Variants in SOS2 observed in about 807,000 individuals in gnomAD.
SOS2 encodes the protein SOS Ras/Rho guanine nucleotide exchange factor 2.
In SOS2, 65 loss-of-function variants were observed where a neutral mutation model predicts 148.2. That is an observed-to-expected ratio of 0.44 (90% CI 0.36 to 0.54). SOS2 has a LOEUF of 0.54. Ranked by LOEUF, SOS2 falls within the 20% of genes least tolerant of loss-of-function variation. SOS2 has a pLI of 0.00. For synonymous variants in SOS2, 539 were observed against 537.1 expected (o/e 1.00, Z -0.05); for missense variants, 1,341 against 1,590.2 (o/e 0.84, Z 2.67).
intron 4 of SOS2, among the ~76,000 whole-genome samples, chr14:50,192,607 T>C (rs1886180450): frequency 6.6e-6 from 1 of 150,402 alleles, no homozygotes. Context: ...CTCATGCCTG[T>C]AATCCTAGCA....
chr14:50,224,322 C>T (rs1187811616), intron 1 of SOS2, among the ~76,000 whole-genome samples: 2,272 of 42,150 alleles, frequency 0.054, 94 homozygotes, highest in East Asian at 0.11. Context: ...TATACACACA[C>T]ACACACACAC....
chr14:50,189,321 C>A (rs1886038480), intron 4 of SOS2, among the ~76,000 whole-genome samples: 1 of 12,842 alleles, frequency 7.8e-5, no homozygotes, highest in Non-Finnish European at 1.9e-4. Flanking sequence ...CACACACACA[C>A]ACATAATAGC....
chr14:50,199,119 C>T (rs1886403276), intron 4 of SOS2, among the ~76,000 whole-genome samples: 2 of 152,190 alleles, frequency 1.3e-5, no homozygotes, highest in South Asian at 4.1e-4. Context: ...TGCCACTGCA[C>T]TCCAGCCTGG....
chr14:50,185,675 G>C (rs981337759), intron 5 of SOS2, among the ~76,000 whole-genome samples: 2 of 143,336 alleles, frequency 1.4e-5, no homozygotes, highest in Admixed American at 7.1e-5. Context: ...CTGGATGACA[G>C]AGCAAGACTC....
intron 4 of SOS2, among the ~76,000 whole-genome samples, chr14:50,189,427 T>C (rs545090599): frequency 1.3e-5 from 2 of 151,262 alleles, no homozygotes; most frequent in African/African-American, 4.9e-5. Context: ...TATGAACACA[T>C]TTATTCTTTT....
At chr14:50,131,612 T>C (rs1396887168) in intron 19 of SOS2, among the ~76,000 whole-genome samples, 2 of 152,088 alleles carry the variant, frequency 1.3e-5, no homozygotes, top group Non-Finnish European at 2.9e-5. Context: ...GGATAACACA[T>C]CGGTTTGTAA....
rs1019224067 is a variant in SOS2 at position 50,204,987 on chromosome 14, T to C, written c.88-578A>G. Among the ~76,000 whole-genome samples the C allele has an allele frequency of 4.0e-5, 6 of 151,806 alleles. No homozygotes were observed. In the East Asian group the frequency reaches 1.2e-3, roughly 30 times the overall value. Reference sequence around the variant, plus strand: ...TTCTGTCCTAAATAATAATCCAGTCTGACTGGATATAAGAAATATGGTAAA... The same window carrying C: ...TTCTGTCCTAAATAATAATCCAGTCCGACTGGATATAAGAAATATGGTAAA... On this transcript the variant is annotated intron_variant, in intron 1 of 22. Transcript: ENST00000216373.
At chr14:50,145,097 T>A (rs1025397157) in intron 16 of SOS2, 73 bp downstream of exon 16, 5 of 757,226 alleles carry the variant, frequency 6.6e-6, no homozygotes, top group African/African-American at 5.4e-5. Flanking sequence ...AAAAGACAGA[T>A]GATAGATGAA....
intron 4 of SOS2, among the ~76,000 whole-genome samples, chr14:50,197,564 C>T (rs1886348828): frequency 6.9e-6 from 1 of 145,450 alleles, no homozygotes; most frequent in South Asian, 2.2e-4. Context: ...TCAAAAGCGT[C>T]CAGGTTATAG....
chr14:50,159,744 T>C lies in SOS2; in HGVS notation c.1539A>G (p.Glu513=). The change falls in exon 10 of 23, where the codon GAA becomes GAG. Residue 513 remains glutamate (E), a synonymous_variant. Transcript: ENST00000216373. ...TGCTGTTCTCATCTTTGGATACTAATTCAAATGCATGCTTGTGCTCACAAG... is the reference window on the plus strand; with the variant it reads ...TGCTGTTCTCATCTTTGGATACTAACTCAAATGCATGCTTGTGCTCACAAG... The part of the protein sequence containing the change: ...EDTCEHKHAF[E]LVSKDENSII... 6.2e-7 allele frequency: 1 copy of C among 1,614,104 alleles called. No homozygotes were observed. Among genetic ancestry groups the C allele is most frequent in the Non-Finnish European group, 8.5e-7 (1 of 1,179,978 alleles).
rs532833599 is a variant in SOS2, at chr14:50,138,732, T to A, written c.2838A>T (p.Leu946Phe). 8.9e-6 allele frequency: 11 copies of A among 1,236,262 alleles called. No individual in the cohort carries two copies. Among genetic ancestry groups the A allele is most frequent in the East Asian group, 7.4e-5 (3 of 40,446 alleles). 76.6% of individuals were successfully genotyped at this position (1,236,262 alleles called of 1,614,324 possible). Residue 946 changes from leucine to phenylalanine, a missense_variant, in exon 18 of 23, where the codon TTA (leucine) becomes TTT (phenylalanine). Leu to Phe is a conservative substitution (Grantham distance 22). Coordinates refer to ENST00000216373, the MANE Select transcript of SOS2 (RefSeq NM_006939.4). ...TGATTAAATCTTTCCCTTTCTTTTT[T>A]AAAAAATCATTATTCCCTTCTTCGG... ...LKTEEGNNDFLKKKGKDLINF... is the reference protein window; with the variant it reads ...LKTEEGNNDFFKKKGKDLINF...
intron 7 of SOS2, among the ~76,000 whole-genome samples, chr14:50,177,620 T>C (rs978349488): frequency 3.3e-5 from 5 of 152,188 alleles, no homozygotes; most frequent in African/African-American, 4.8e-5. Context: ...AAAGTTCTTA[T>C]AGACTGTGTA....
chr14:50,153,103 C>G lies in SOS2; in HGVS notation c.2128G>C (p.Glu710Gln), dbSNP rs768829374. Residue 710 changes from glutamate (E) to glutamine (Q), a missense_variant, in exon 13 of 23, where the codon GAA becomes CAA. Physicochemically the swap from Glu to Gln is conservative, Grantham distance 29. Transcript: ENST00000216373. ...YDFERDLELL[E>Q]RLESFISSVR... ...CTTGAAATGAAGGATTCTAGTCTTT[C>G]AAGCAATTCCAAGTCTCTTTCAAAG... The G allele has an allele frequency of 6.3e-7, 1 of 1,598,872 alleles. No individual in the cohort carries two copies. Among genetic ancestry groups the G allele is most frequent in the Admixed American group, 1.7e-5 (1 of 59,684 alleles).
At chr14:50,119,627 C>G (rs908044567) in intron 22 of SOS2, among the ~76,000 whole-genome samples, 1 of 151,744 alleles carries the variant, frequency 6.6e-6, no homozygotes, top group African/African-American at 2.4e-5. Context: ...CCTTCACCTC[C>G]CAGGTTCAAG....
intron 18 of SOS2, among the ~76,000 whole-genome samples, chr14:50,134,795 C>T (rs964352416): frequency 1.3e-5 from 2 of 151,802 alleles, no homozygotes; most frequent in Non-Finnish European, 2.9e-5. Flanking sequence ...GATTATAGGC[C>T]GAGCACGGTG....
intron 1 of SOS2, among the ~76,000 whole-genome samples, chr14:50,219,557 CAA>C (rs1887141027): frequency 6.6e-6 from 1 of 152,012 alleles, no homozygotes; most frequent in Non-Finnish European, 1.5e-5. Flanking sequence ...GAATTACAGT[CAA>C]GAGGAAATTT....
chr14:50,163,992 G>A (rs1205901274), intron 8 of SOS2, among the ~76,000 whole-genome samples: 1 of 152,102 alleles, frequency 6.6e-6, no homozygotes, highest in African/African-American at 2.4e-5. Context: ...GGTAATGGAA[G>A]TATATTAAAC....
chr14:50,191,186 G>A (rs1468625470), intron 4 of SOS2, among the ~76,000 whole-genome samples: 2 of 151,976 alleles, frequency 1.3e-5, no homozygotes, highest in Admixed American at 6.6e-5. Context: ...CTCTCAGGGC[G>A]AGGCATGGTG....
intron 8 of SOS2, among the ~76,000 whole-genome samples, chr14:50,170,668 G>C (rs1885331618): frequency 6.6e-6 from 1 of 151,920 alleles, no homozygotes; most frequent in Admixed American, 6.6e-5. Flanking sequence ...GCAAGACCCT[G>C]TCCCAAAAAC....
Sources: allele counts gnomAD v4.1 joint callset (sites outside exome capture counted in the v4.1 genomes callset), GRCh38; gene constraint gnomAD v4.1.1; transcripts MANE v1.5; gene names NCBI Gene and HGNC (gene_info 2026-07-23, HGNC 2026-07-21).